The following NME5 variants were observed in gnomAD, a reference collection of about 807,000 sequenced individuals.
NME5 encodes nucleoside diphosphate kinase 5.
In NME5, 18 loss-of-function variants were observed where a neutral mutation model predicts 21.6. The ratio of observed to expected loss-of-function variants is 0.83; its 90% CI spans 0.58 to 1.24. The LOEUF (loss-of-function observed/expected upper bound fraction) is 1.24. Ranked by LOEUF, NME5 falls within the 50% of genes most tolerant of loss-of-function variation. The probability of loss-of-function intolerance (pLI) is 0.00; values close to 1 mark genes in which losing one functional copy is unlikely to be tolerated. For missense variants in NME5, 223 were observed against 255.4 expected (o/e 0.87, Z 0.86); for synonymous variants, 70 against 80.6 (o/e 0.87, Z 0.71).
intron 2 of NME5, among the ~76,000 whole-genome samples, chr5:138,130,676 G>A (rs962191270): frequency 7.2e-5 from 11 of 151,986 alleles, no homozygotes. Context: ...TGTAATCCCA[G>A]CACTTTGGGA....
At chr5:138,120,300 C>A (rs1282413159) in intron 4 of NME5, among the ~76,000 whole-genome samples, 3 of 137,576 alleles carry the variant, frequency 2.2e-5, no homozygotes, top group Non-Finnish European at 4.5e-5. Context: ...GTGCCGCGAT[C>A]TTGGCTCACT....
At chr5:138,115,880 A>ATT (rs1334982772) in intron 5 of NME5, 116 bp from the exon 6 acceptor site, 1 of 607,366 alleles carries the variant, frequency 1.6e-6, no homozygotes, top group East Asian at 2.9e-5. Context: ...GAAAATGACC[A>ATT]TTAAAAATGG....
At chr5:138,124,210 C>A (rs1751350222) in intron 4 of NME5, among the ~76,000 whole-genome samples, 1 of 151,422 alleles carries the variant, frequency 6.6e-6, no homozygotes, top group African/African-American at 2.4e-5. Flanking sequence ...ACTTTGTTGA[C>A]CAGGTTGGTC....
rs757928211 is a variant in NME5, at chr5:138,118,834, T to G, written c.539A>C (p.Lys180Thr). The G allele has an allele frequency of 5.6e-6, 9 of 1,607,144 alleles. No individual in the cohort carries two copies. Among genetic ancestry groups the G allele is most frequent in the Non-Finnish European group, 6.0e-6 (7 of 1,173,788 alleles). The part of the protein sequence containing the change: ...LEGLTELCKQ[K>T]PADPLIWLAD... ...ATTTCTTACCAAAGGATCTGCTGGT[T>G]TTTGCTTACAAAGCTCTGTGAGTCC... Residue 180 changes from lysine (K) to threonine (T), a missense_variant, in exon 5 of 6, where the codon AAA becomes ACA. Lys to Thr is a moderately conservative substitution (Grantham distance 78). Coordinates refer to ENST00000265191, the MANE Select transcript of NME5 (RefSeq NM_003551.3).
chr5:138,126,895 C>T lies in NME5; in HGVS notation c.436+1584G>A, dbSNP rs369554808. Among the ~76,000 whole-genome samples, 10 of 151,804 alleles carry T rather than the reference C, an allele frequency of 6.6e-5. No homozygotes were observed. In the East Asian group the frequency reaches 1.4e-3, roughly 21 times the overall value. On this transcript the variant is annotated intron_variant, in intron 4 of 5. Coordinates refer to ENST00000265191, the MANE Select transcript of NME5 (RefSeq NM_003551.3). ...CCAGAAGGTCGAGGCTGCCATGAGT[C>T]GTGATCATGCTACTGCACTCCAGCC...
rs1052856050 is a variant in NME5 at position 138,129,450 on chromosome 5, T to G, written c.148A>C (p.Ser50Arg). ...TAAAAGTTACTACATTGCTCAGGGCTGAGGCGTAGTTTTCTTCTCTATAAA... is the reference window on the plus strand; with the variant it reads ...TAAAAGTTACTACATTGCTCAGGGCGGAGGCGTAGTTTTCTTCTCTATAAA... ...TIVQRRKLRL[S>R]PEQCSNFYVE... Residue 50 changes from serine to arginine, a missense_variant, in exon 3 of 6, where the codon AGC becomes CGC. Coordinates refer to ENST00000265191, the MANE Select transcript of NME5 (RefSeq NM_003551.3). 7 of 1,613,816 alleles carry G rather than the reference T, an allele frequency of 4.3e-6. No individual in the cohort carries two copies. Among genetic ancestry groups the G allele is most frequent in the African/African-American group, 4.0e-5 (3 of 74,914 alleles).
At chr5:138,116,050 G>A (rs1250270558) in intron 5 of NME5, among the ~76,000 whole-genome samples, 1 of 152,166 alleles carries the variant, frequency 6.6e-6, no homozygotes, top group African/African-American at 2.4e-5. Flanking sequence ...CAGCGAAGAT[G>A]TAGGTTACAA....
At chr5:138,131,860 C>A (rs1370083397) in intron 2 of NME5, among the ~76,000 whole-genome samples, 1 of 152,014 alleles carries the variant, frequency 6.6e-6, no homozygotes, top group African/African-American at 2.4e-5. Context: ...TCTCCTGCCG[C>A]AGCCTCCTGA....
At chr5:138,118,575 T>C (rs1017398644) in intron 5 of NME5, among the ~76,000 whole-genome samples, 1 of 151,142 alleles carries the variant, frequency 6.6e-6, no homozygotes, top group Admixed American at 6.6e-5. Context: ...AACCTCTGCC[T>C]CTGGGTTCAA....
intron 4 of NME5, chr5:138,127,359 G>C (rs1751448916): frequency 2.1e-6 from 1 of 471,184 alleles, no homozygotes; most frequent in Non-Finnish European, 2.8e-6. Flanking sequence ...AAACAACAGT[G>C]ATACTGTTGT....
At chr5:138,119,526 G>T (rs1751236742) in intron 4 of NME5, among the ~76,000 whole-genome samples, 1 of 152,072 alleles carries the variant, frequency 6.6e-6, no homozygotes, top group Non-Finnish European at 1.5e-5. Context: ...GTAGAGATGG[G>T]GTTTCACCAT....
chr5:138,134,783 T>C (rs1268234083), intron 2 of NME5, among the ~76,000 whole-genome samples: 1 of 150,476 alleles, frequency 6.6e-6, no homozygotes, highest in East Asian at 2.0e-4. Context: ...TGGAGTGCAG[T>C]GGCGCGATCT....
intron 4 of NME5, chr5:138,127,710 A>C (rs757455056): frequency 7.4e-5 from 73 of 983,514 alleles, no homozygotes; most frequent in Non-Finnish European, 8.3e-5. Context: ...CTCTAACAGT[A>C]AGGAAACAAA....
chr5:138,121,593 A>T (rs1472746863), intron 4 of NME5, among the ~76,000 whole-genome samples: 1 of 152,164 alleles, frequency 6.6e-6, no homozygotes, highest in African/African-American at 2.4e-5. Flanking sequence ...GTTGAAAGTG[A>T]ATTGACCATA....
intron 4 of NME5, among the ~76,000 whole-genome samples, chr5:138,124,177 T>A (rs1318429471): frequency 6.6e-6 from 1 of 151,556 alleles, no homozygotes; most frequent in Non-Finnish European, 1.5e-5. Flanking sequence ...TTTGTATTTT[T>A]TTTTTAGTAG....
rs747891704 is a variant in NME5, at chr5:138,129,381, A to G, written c.217T>C (p.Tyr73His). ...GKMFFPNLTA[Y>H]MSSGPLVAMI... ...GCGACAAGTGGTCCAGAACTCATGT[A>G]AGCTGTTAAGTTGGGGAAAAACATT... is the stretch of plus-strand genomic sequence containing the variant. The change falls in exon 3 of 6, where the codon TAC becomes CAC. Residue 73 changes from tyrosine to histidine, a missense_variant. Tyr to His is a moderately conservative substitution (Grantham distance 83). Coordinates refer to ENST00000265191, the MANE Select transcript of NME5 (RefSeq NM_003551.3). 1.2e-6 allele frequency: 2 copies of G among 1,613,958 alleles called. No individual in the cohort carries two copies. Among genetic ancestry groups the G allele is most frequent in the Non-Finnish European group, 1.7e-6 (2 of 1,179,868 alleles).
intron 2 of NME5, among the ~76,000 whole-genome samples, chr5:138,129,825 C>CA (rs1285450575): frequency 6.6e-6 from 1 of 152,134 alleles, no homozygotes; most frequent in Non-Finnish European, 1.5e-5. Context: ...GGGCGGGCGG[C>CA]ATGCGCCTGT....
At chr5:138,132,511 A>G (rs1177843073) in intron 2 of NME5, among the ~76,000 whole-genome samples, 1 of 152,154 alleles carries the variant, frequency 6.6e-6, no homozygotes, top group Non-Finnish European at 1.5e-5. Context: ...TCACTAAGTG[A>G]AGGCTAAAAA....
intron 5 of NME5, 103 bp from the exon 6 acceptor site, chr5:138,115,867 T>C (rs987425790): frequency 1.3e-5 from 9 of 684,188 alleles, no homozygotes; most frequent in Non-Finnish European, 2.1e-5. Context: ...AAAATCACTT[T>C]AAGAAAATGA....
Sources: gnomAD v4.1 joint callset for allele counts (sites outside exome capture counted in the v4.1 genomes callset) on GRCh38, gnomAD v4.1.1 for gene constraint, MANE v1.5 for transcripts, NCBI Gene and HGNC (gene_info 2026-07-23, HGNC 2026-07-21) for gene names.